NAV3: variants seen among roughly 807,000 people sequenced by gnomAD.
NAV3 encodes pore membrane and/or filament interacting like protein 1.
A neutral mutation model predicts 244.7 loss-of-function variants in NAV3; 87 were observed. The observed-to-expected ratio is 0.36, with a 90% CI of 0.30 to 0.42. NAV3 has a LOEUF of 0.42. Ranked by LOEUF, NAV3 falls within the 20% of genes least tolerant of loss-of-function variation. The pLI is 1.00. For synonymous variants in NAV3, 1,126 were observed against 1,042.2 expected, an observed-to-expected ratio of 1.08 and a Z score of -1.55; for missense variants, 2,663 against 2,893.3, an observed-to-expected ratio of 0.92 and a Z score of 1.83.
intron 16 of NAV3, among the ~76,000 whole-genome samples, chr12:78,125,573 C>T (rs368962954): frequency 9.9e-5 from 15 of 152,136 alleles, no homozygotes; most frequent in East Asian, 3.9e-4. Context: ...GATCTGGCAA[C>T]GCTGCCTTGA....
intron 12 of NAV3, among the ~76,000 whole-genome samples, chr12:78,103,173 C>T (rs1430027248): frequency 1.3e-5 from 2 of 152,202 alleles, no homozygotes; most frequent in Admixed American, 6.5e-5. Context: ...CCCGTCACCT[C>T]TTGAATGCTT....
intron 5 of NAV3, among the ~76,000 whole-genome samples, chr12:77,990,806 C>A (rs1402188339): frequency 6.6e-6 from 1 of 152,076 alleles, no homozygotes; most frequent in African/African-American, 2.4e-5. Context: ...GTTTTCCCTT[C>A]ATAATTTTTC....
intron 1 of NAV3, among the ~76,000 whole-genome samples, chr12:77,922,303 A>G (rs1887788337): frequency 6.6e-6 from 1 of 151,942 alleles, no homozygotes; most frequent in Non-Finnish European, 1.5e-5. Flanking sequence ...TTGTTTGTTT[A>G]ATTTTTGAAC....
At position 78,119,536 on chromosome 12, in the gene NAV3, T is replaced by A. The variant is rs760781089; in HGVS notation, c.3340T>A (p.Leu1114Met). The A allele has an allele frequency of 6.2e-7, 1 of 1,614,154 alleles. No individual in the cohort carries two copies. Among genetic ancestry groups the A allele is most frequent in the Non-Finnish European group, 8.5e-7 (1 of 1,180,016 alleles). ...GKSNAGRKTS[L>M]DGSQNQDDVV... ...GTCAAATGCAGGGAGAAAAACCAGTTTGGACGGTTCACAGAATCAGGATGA... is the reference window on the plus strand; with the variant it reads ...GTCAAATGCAGGGAGAAAAACCAGTATGGACGGTTCACAGAATCAGGATGA... Residue 1114 changes from leucine to methionine, a missense_variant, in exon 15 of 40, where the codon TTG becomes ATG. By Grantham distance (15) the Leu-to-Met change is conservative. Transcript: ENST00000397909.
intron 23 of NAV3, among the ~76,000 whole-genome samples, chr12:78,164,848 A>G (rs956358116): frequency 1.1e-4 from 16 of 152,092 alleles, no homozygotes; most frequent in African/African-American, 3.9e-4. Context: ...CTTGCCTAGA[A>G]GGTCAAGTTA....
intron 2 of NAV3, among the ~76,000 whole-genome samples, chr12:77,704,052 T>C (rs1369569335): frequency 6.6e-6 from 1 of 152,186 alleles, no homozygotes; most frequent in African/African-American, 2.4e-5. Flanking sequence ...TGAGCTTCTG[T>C]GATTAATCTG....
chr12:78,137,172 T>C lies in NAV3; in HGVS notation c.4442-5T>C. 1.2e-6 allele frequency: 2 copies of C among 1,607,696 alleles called. No individual in the cohort carries two copies. The highest frequency in any genetic ancestry group is 2.2e-5 in the South Asian group (2 of 90,178). On this transcript the variant is annotated splice_polypyrimidine_tract_variant and splice_region_variant and intron_variant, in intron 18 of 39. Transcript: ENST00000397909. ...GTAATAGGCTCTGTGTGTTTTGTTTTTCAGTGAGCCCAACAAATTTGTCTC... is the reference window on the plus strand; with the variant it reads ...GTAATAGGCTCTGTGTGTTTTGTTTCTCAGTGAGCCCAACAAATTTGTCTC...
At chr12:77,634,502 CA>C (rs993941963) in intron 2 of NAV3, among the ~76,000 whole-genome samples, 46 of 152,142 alleles carry the variant, frequency 3.0e-4, no homozygotes, top group African/African-American at 1.1e-3. Flanking sequence ...AGTTTGGGAC[CA>C]CAGTCAGTTG....
At chr12:77,659,053 G>C (rs1254869808) in intron 2 of NAV3, among the ~76,000 whole-genome samples, 3 of 151,836 alleles carry the variant, frequency 2.0e-5, no homozygotes, top group Non-Finnish European at 2.9e-5. Context: ...GCATGGGCAA[G>C]GACTTCATGT....
intron 2 of NAV3, among the ~76,000 whole-genome samples, chr12:77,707,612 T>C (rs1478270280): frequency 1.3e-5 from 2 of 152,214 alleles, no homozygotes; most frequent in Non-Finnish European, 2.9e-5. Flanking sequence ...GTATTTCTAG[T>C]TCTAGATGCT....
intron 2 of NAV3, among the ~76,000 whole-genome samples, chr12:77,723,755 C>CTTTTTTTTTTTTTTTTTTT (rs34518266): frequency 7.4e-5 from 5 of 67,654 alleles, no homozygotes; most frequent in African/African-American, 1.2e-4. Flanking sequence ...GCAATCTTGA[C>CTTTTTTTTTTTTTTTTTTT]TTTTTTTTTT....
intron 9 of NAV3, among the ~76,000 whole-genome samples, chr12:78,029,686 G>A (rs991104462): frequency 4.6e-5 from 7 of 152,144 alleles, no homozygotes; most frequent in African/African-American, 1.7e-4. Context: ...ATGTAGAGAT[G>A]GAAAGCTTGT....
chr12:77,712,896 T>G (rs75262253), intron 2 of NAV3, among the ~76,000 whole-genome samples: 3,804 of 152,236 alleles, frequency 0.025, 88 homozygotes, highest in African/African-American at 0.06. Flanking sequence ...CAGATCACAC[T>G]CCAAGGCTAA....
chr12:77,595,249 G>A (rs1363830394), intron 2 of NAV3, among the ~76,000 whole-genome samples: 1 of 151,974 alleles, frequency 6.6e-6, no homozygotes, highest in Admixed American at 6.6e-5. Context: ...AGAAGATTTG[G>A]GACAACCTGG....
intron 2 of NAV3, among the ~76,000 whole-genome samples, chr12:77,766,562 T>C (rs1030338717): frequency 1.3e-5 from 2 of 152,098 alleles, no homozygotes; most frequent in Non-Finnish European, 2.9e-5. Context: ...TTAAAATGTA[T>C]TGATAGATTT....
At chr12:78,024,140 G>A (rs1388429240) in intron 9 of NAV3, among the ~76,000 whole-genome samples, 5 of 152,072 alleles carry the variant, frequency 3.3e-5, no homozygotes, top group African/African-American at 9.6e-5. Context: ...ACCAACCTCC[G>A]CATATTTTTC....
chr12:77,849,846 G>A (rs1877232462), intron 1 of NAV3, among the ~76,000 whole-genome samples: 1 of 152,130 alleles, frequency 6.6e-6, no homozygotes, highest in African/African-American at 2.4e-5. Context: ...GGTCACGTGT[G>A]TCTCCAAACC....
chr12:77,911,735 A>G (rs1886611763), intron 1 of NAV3, among the ~76,000 whole-genome samples: 1 of 152,060 alleles, frequency 6.6e-6, no homozygotes, highest in African/African-American at 2.4e-5. Flanking sequence ...CCCTATGTGA[A>G]TTTTTCATTT....
intron 2 of NAV3, among the ~76,000 whole-genome samples, chr12:77,790,416 G>T (rs538790371): frequency 1.3e-5 from 2 of 152,094 alleles, no homozygotes; most frequent in Non-Finnish European, 2.9e-5. Context: ...AGATTGTTCT[G>T]GGTATAAGGT....
Sources: allele counts gnomAD v4.1 joint callset (sites outside exome capture counted in the v4.1 genomes callset), GRCh38; gene constraint gnomAD v4.1.1; transcripts MANE v1.5; gene names NCBI Gene and HGNC (gene_info 2026-07-23, HGNC 2026-07-21).